The following SH3GL3 variants were observed in gnomAD, a reference collection of about 807,000 sequenced individuals.
The protein encoded by SH3GL3 is SH3 domain containing GRB2 like 3, endophilin A3, also known as endophilin-A3.
In SH3GL3, 33 loss-of-function variants were observed where a neutral mutation model predicts 47.7. The ratio of observed to expected loss-of-function variants is 0.69; its 90% CI spans 0.52 to 0.92. The LOEUF (loss-of-function observed/expected upper bound fraction) is 0.92. Among genes scored for constraint, SH3GL3 ranks in the 40% least tolerant of loss-of-function variants. The pLI, the probability that SH3GL3 is intolerant of heterozygous loss-of-function variation, is 0.00. For synonymous variants in SH3GL3, 155 were observed against 148.8 expected, an observed-to-expected ratio of 1.04 and a Z score of -0.30; for missense variants, 363 against 417.8, an observed-to-expected ratio of 0.87 and a Z score of 1.14.
At chr15:83,614,978 A>G (rs965258858) in intron 8 of SH3GL3, among the ~76,000 whole-genome samples, 1 of 152,184 alleles carries the variant, frequency 6.6e-6, no homozygotes, top group African/African-American at 2.4e-5. Context: ...CTTAGTGGAG[A>G]AAGAACATAA....
downstream of SH3GL3, among the ~76,000 whole-genome samples, chr15:83,623,594 C>T (rs749590495): frequency 5.3e-5 from 8 of 152,244 alleles, no homozygotes; most frequent in South Asian, 2.1e-4. Flanking sequence ...GCTACCATCT[C>T]GCAGGCTGGG....
At chr15:83,564,393 A>T (rs889942018) in intron 2 of SH3GL3, among the ~76,000 whole-genome samples, 4 of 152,128 alleles carry the variant, frequency 2.6e-5, no homozygotes, top group Non-Finnish European at 4.4e-5. Flanking sequence ...GTTATTCTTC[A>T]TTATTGCATT....
At chr15:83,496,328 C>A (rs1403814708) in intron 1 of SH3GL3, among the ~76,000 whole-genome samples, 10 of 143,552 alleles carry the variant, frequency 7.0e-5, no homozygotes, top group African/African-American at 2.4e-4. Context: ...CACTGCACTC[C>A]AGCCTGGGCA....
chr15:83,588,511 T>C, intron 7 of SH3GL3, 151 bp from the exon 8 acceptor site: 1 of 603,152 alleles, frequency 1.7e-6, no homozygotes, highest in Non-Finnish European at 3.0e-6. Context: ...CTCCATCACT[T>C]CGGGCTACTC....
intron 1 of SH3GL3, among the ~76,000 whole-genome samples, chr15:83,510,210 C>T (rs538494814): frequency 1.3e-5 from 2 of 152,236 alleles, no homozygotes; most frequent in East Asian, 3.9e-4. Context: ...TGCAAAATAC[C>T]TCATTTTGTA....
At chr15:83,526,750 C>CA (rs981845337) in intron 1 of SH3GL3, among the ~76,000 whole-genome samples, 2 of 151,958 alleles carry the variant, frequency 1.3e-5, no homozygotes, top group African/African-American at 4.8e-5. Context: ...ATAATCTGTA[C>CA]AAAAAACCCC....
At chr15:83,596,662 G>A (rs577482957) in intron 8 of SH3GL3, among the ~76,000 whole-genome samples, 1 of 152,202 alleles carries the variant, frequency 6.6e-6, no homozygotes, top group East Asian at 1.9e-4. Context: ...AAGATACGGG[G>A]TTTTGCCATG....
downstream of SH3GL3, among the ~76,000 whole-genome samples, chr15:83,623,291 C>T (rs544974556): frequency 2.0e-5 from 3 of 152,302 alleles, no homozygotes; most frequent in East Asian, 5.8e-4. Flanking sequence ...CATATTTACT[C>T]AGCTCACAAG....
downstream of SH3GL3, among the ~76,000 whole-genome samples, chr15:83,621,142 C>G (rs1052500798): frequency 6.6e-6 from 1 of 152,234 alleles, no homozygotes; most frequent in African/African-American, 2.4e-5. Flanking sequence ...AGCAAGAAAT[C>G]TGCTTCACTT....
intron 1 of SH3GL3, among the ~76,000 whole-genome samples, chr15:83,519,482 A>G (rs1387247754): frequency 6.6e-6 from 1 of 152,184 alleles, no homozygotes; most frequent in African/African-American, 2.4e-5. Context: ...TTATTGGAGT[A>G]TAGAAATGCT....
chr15:83,485,893 T>C (rs1165031596), intron 1 of SH3GL3, among the ~76,000 whole-genome samples: 6 of 152,240 alleles, frequency 3.9e-5, no homozygotes, highest in Non-Finnish European at 8.8e-5. Context: ...AGAAAAATAC[T>C]ATGAATACCT....
intron 8 of SH3GL3, among the ~76,000 whole-genome samples, chr15:83,596,806 C>T (rs796333390): frequency 1.3e-5 from 2 of 151,980 alleles, no homozygotes; most frequent in African/African-American, 4.8e-5. Flanking sequence ...CTTAAATATC[C>T]TTCTCCTCTA....
intron 1 of SH3GL3, among the ~76,000 whole-genome samples, chr15:83,475,813 A>C (rs1289013833): frequency 2.6e-5 from 4 of 152,220 alleles, no homozygotes; most frequent in Non-Finnish European, 5.9e-5. Flanking sequence ...GGGATGTTGC[A>C]CCAAAATTAA....
chr15:83,605,769 C>T (rs767243336), intron 8 of SH3GL3, among the ~76,000 whole-genome samples: 4 of 152,070 alleles, frequency 2.6e-5, no homozygotes, highest in South Asian at 2.1e-4. Context: ...TGTCCAAGCC[C>T]GCGAGTGTGG....
intron 8 of SH3GL3, among the ~76,000 whole-genome samples, chr15:83,597,756 C>T (rs1455483520): frequency 1.3e-5 from 2 of 151,922 alleles, no homozygotes; most frequent in African/African-American, 4.8e-5. Flanking sequence ...ATTACAGGTG[C>T]CTGCCACCGT....
intron 1 of SH3GL3, among the ~76,000 whole-genome samples, chr15:83,511,621 A>C (rs560050441): frequency 1.3e-5 from 2 of 152,274 alleles, no homozygotes; most frequent in African/African-American, 4.8e-5. Context: ...TACTACGGGT[A>C]TTTACTGCTT....
intron 1 of SH3GL3, among the ~76,000 whole-genome samples, chr15:83,494,349 T>G (rs1330197797): frequency 6.6e-6 from 1 of 152,162 alleles, no homozygotes; most frequent in East Asian, 1.9e-4. Flanking sequence ...TATATTTGGC[T>G]TATTTATTGA....
intron 8 of SH3GL3, among the ~76,000 whole-genome samples, chr15:83,600,950 A>G (rs909813305): frequency 8.5e-5 from 13 of 152,082 alleles, no homozygotes; most frequent in Non-Finnish European, 1.8e-4. Flanking sequence ...TTTTGCAGCT[A>G]TTATAAAAGG....
At chr15:83,470,549 G>A (rs1309173213) in intron 1 of SH3GL3, among the ~76,000 whole-genome samples, 1 of 152,136 alleles carries the variant, frequency 6.6e-6, no homozygotes, top group African/African-American at 2.4e-5. Flanking sequence ...TTTATAGACA[G>A]CATATAGTTA....
Sources: gnomAD v4.1 joint callset for allele counts (sites outside exome capture counted in the v4.1 genomes callset) on GRCh38, gnomAD v4.1.1 for gene constraint, MANE v1.5 for transcripts, NCBI Gene and HGNC (gene_info 2026-07-23, HGNC 2026-07-21) for gene names.